Variants in CSMD1 observed in about 807,000 individuals in gnomAD.
CSMD1 encodes the protein CUB and sushi domain-containing protein 1.
CSMD1 carries 213 observed loss-of-function variants against 417.5 expected under a neutral mutation model. The ratio of observed to expected loss-of-function variants is 0.51; its 90% CI spans 0.46 to 0.57. The LOEUF is 0.57. Among genes scored for constraint, CSMD1 ranks in the 20% least tolerant of loss-of-function variants. The pLI is 0.00. For synonymous variants in CSMD1, 2,862 were observed against 1,736.8 expected (o/e 1.65, Z -16.11); for missense variants, 6,923 against 4,529.7 (o/e 1.53, Z -15.17).
intron 12 of CSMD1, among the ~76,000 whole-genome samples, chr8:3,443,405 AT>A (rs780507338): frequency 9.2e-5 from 14 of 152,206 alleles, no homozygotes; most frequent in Non-Finnish European, 1.9e-4. Context: ...TAGAAAAAAA[AT>A]AGAGCCTAAA....
In CSMD1 at chr8:4,041,119, C is replaced by T. The variant is rs1438504700; in HGVS notation, c.416-9020G>A. On this transcript the variant is annotated intron_variant, in intron 3 of 69. Coordinates refer to ENST00000635120, the MANE Select transcript of CSMD1 (RefSeq NM_033225.6). ...GCAAGCTCCGCCTCCCGGGTTCCCGCCATTCTCCTGCCTCAGCCTCCCGAG... is the reference window on the plus strand; with the variant it reads ...GCAAGCTCCGCCTCCCGGGTTCCCGTCATTCTCCTGCCTCAGCCTCCCGAG... Among the ~76,000 whole-genome samples the T allele has an allele frequency of 6.0e-5, 9 of 150,720 alleles. No homozygotes were observed. In the South Asian group the frequency reaches 8.4e-4, roughly 14 times the overall value.
chr8:4,301,359 C>T (rs34251603), intron 3 of CSMD1, among the ~76,000 whole-genome samples: 1 of 152,110 alleles, frequency 6.6e-6, no homozygotes, highest in African/African-American at 2.4e-5. Flanking sequence ...TTGACTGTAC[C>T]ACTTCCAGCC....
At chr8:4,700,857 A>C (rs1282923819) in intron 1 of CSMD1, among the ~76,000 whole-genome samples, 1 of 152,200 alleles carries the variant, frequency 6.6e-6, no homozygotes, top group Non-Finnish European at 1.5e-5. Context: ...AGAAAGGATG[A>C]AGAACAATAG....
chr8:3,580,849 T>C (rs1043301850), intron 9 of CSMD1, among the ~76,000 whole-genome samples: 6 of 152,212 alleles, frequency 3.9e-5, no homozygotes, highest in African/African-American at 1.4e-4. Flanking sequence ...AGGTCATTTC[T>C]ACAAGGGCAG....
At chr8:4,904,539 T>A (rs1474891158) in intron 1 of CSMD1, among the ~76,000 whole-genome samples, 1 of 152,136 alleles carries the variant, frequency 6.6e-6, no homozygotes, top group Admixed American at 6.5e-5. Context: ...CACTGCCCTC[T>A]CTGTGGACAC....
At chr8:3,663,998 T>C (rs540916088) in intron 7 of CSMD1, among the ~76,000 whole-genome samples, 13 of 152,346 alleles carry the variant, frequency 8.5e-5, no homozygotes, top group African/African-American at 2.6e-4. Context: ...TCTTCAGCCA[T>C]TGGATGGCTT....
intron 20 of CSMD1, among the ~76,000 whole-genome samples, chr8:3,362,218 C>T (rs1809233760): frequency 6.6e-6 from 1 of 152,170 alleles, no homozygotes; most frequent in Non-Finnish European, 1.5e-5. Flanking sequence ...GCCACCATAT[C>T]CCTACTCTGG....
At chr8:4,686,058 C>A (rs528686088) in intron 1 of CSMD1, among the ~76,000 whole-genome samples, 1 of 152,160 alleles carries the variant, frequency 6.6e-6, no homozygotes, top group African/African-American at 2.4e-5. Context: ...GCAGTTTTAT[C>A]TTGTCTTGGA....
At chr8:3,692,336 G>C (rs369648118) in intron 7 of CSMD1, among the ~76,000 whole-genome samples, 1 of 152,162 alleles carries the variant, frequency 6.6e-6, no homozygotes, top group Non-Finnish European at 1.5e-5. Flanking sequence ...CAAAAGAAGA[G>C]ACTCAGAGAA....
At chr8:3,982,198 A>AT (rs67611582) in intron 5 of CSMD1, among the ~76,000 whole-genome samples, 32 of 81,010 alleles carry the variant, frequency 4.0e-4, no homozygotes, top group East Asian at 9.3e-4. Flanking sequence ...AATATTAATA[A>AT]AAAAAATAAT....
chr8:3,949,142 G>C lies in CSMD1; in HGVS notation c.818+48761C>G, dbSNP rs151198343. On this transcript the variant is annotated intron_variant, in intron 5 of 69. Transcript: ENST00000635120. ...TATTTTAAAATATGGATGCATTGTG[G>C]AATGGCTAAATTGAGCTAATTAACA... Among the ~76,000 whole-genome samples, 992 of 152,220 alleles carry C rather than the reference G, an allele frequency of 6.5e-3. 15 individuals are homozygous for C. The highest frequency in any genetic ancestry group is 0.023 in the African/African-American group (963 of 41,536).
chr8:4,656,038 G>C (rs980373190), intron 1 of CSMD1, among the ~76,000 whole-genome samples: 1 of 152,194 alleles, frequency 6.6e-6, no homozygotes, highest in African/African-American at 2.4e-5. Context: ...TGGGAGATGA[G>C]TAGTGTTATG....
intron 7 of CSMD1, among the ~76,000 whole-genome samples, chr8:3,707,988 G>A (rs1314530681): frequency 6.6e-6 from 1 of 152,210 alleles, no homozygotes; most frequent in Non-Finnish European, 1.5e-5. Context: ...TTGCCCGAAA[G>A]CTACTTTACT....
chr8:3,955,725 C>A (rs1285002776), intron 5 of CSMD1, among the ~76,000 whole-genome samples: 3 of 145,960 alleles, frequency 2.1e-5, no homozygotes, highest in African/African-American at 7.4e-5. Context: ...TCTTCGAGAA[C>A]TGCCTCAAGT....
At chr8:4,447,171 C>T (rs1206971256) in intron 2 of CSMD1, among the ~76,000 whole-genome samples, 2 of 152,022 alleles carry the variant, frequency 1.3e-5, no homozygotes, top group African/African-American at 4.8e-5. Flanking sequence ...ATTATTGATC[C>T]CATGTTATTT....
intron 26 of CSMD1, among the ~76,000 whole-genome samples, chr8:3,271,119 C>T (rs1050668340): frequency 2.1e-5 from 3 of 141,830 alleles, no homozygotes; most frequent in African/African-American, 5.2e-5. Flanking sequence ...TGATGTTCCC[C>T]TTCCTGTGTT....
intron 1 of CSMD1, among the ~76,000 whole-genome samples, chr8:4,976,517 G>A (rs1810569503): frequency 6.6e-6 from 1 of 152,022 alleles, no homozygotes; most frequent in Admixed American, 6.6e-5. Flanking sequence ...TTACCTCTGT[G>A]GCATGCCTAG....
rs1301358705 is a variant in CSMD1, at chr8:4,489,885, C to T, written c.303-69820G>A. On this transcript the variant is annotated intron_variant, in intron 2 of 69. Transcript: ENST00000635120. ...GCCCAGCCATGCCTTGCCCAGACTA[C>T]GACCCACAGACACCGTGAGATCATT... Among the ~76,000 whole-genome samples the T allele has an allele frequency of 4.6e-5, 7 of 152,162 alleles. No homozygotes were observed. In the East Asian group the frequency reaches 5.8e-4, roughly 13 times the overall value.
At chr8:3,679,394 G>C (rs1799537783) in intron 7 of CSMD1, among the ~76,000 whole-genome samples, 1 of 152,130 alleles carries the variant, frequency 6.6e-6, no homozygotes, top group African/African-American at 2.4e-5. Context: ...CCTAGTCTCT[G>C]ATAAAAGGGA....
Sources: allele counts gnomAD v4.1 joint callset (sites outside exome capture counted in the v4.1 genomes callset), GRCh38; gene constraint gnomAD v4.1.1; transcripts MANE v1.5; gene names NCBI Gene and HGNC (gene_info 2026-07-23, HGNC 2026-07-21).